The following PDE4B variants were observed in gnomAD, a reference collection of about 807,000 sequenced individuals.
PDE4B encodes the protein phosphodiesterase 4B.
In PDE4B, 20 loss-of-function variants were observed where a neutral mutation model predicts 82.2. That is an observed-to-expected ratio of 0.24 (90% CI 0.17 to 0.35). The LOEUF (loss-of-function observed/expected upper bound fraction) is 0.35. Ranked by LOEUF, PDE4B falls within the 10% of genes least tolerant of loss-of-function variation. The pLI is 1.00. For synonymous variants in PDE4B, 320 were observed against 318.9 expected, an observed-to-expected ratio of 1.00 and a Z score of -0.04; for missense variants, 655 against 907.2, an observed-to-expected ratio of 0.72 and a Z score of 3.57.
chr1:66,304,341 C>A (rs931663312), intron 7 of PDE4B, among the ~76,000 whole-genome samples: 3 of 152,052 alleles, frequency 2.0e-5, no homozygotes, highest in African/African-American at 7.2e-5. Flanking sequence ...AGAAGTGGAC[C>A]ACCATGTTTG....
intron 3 of PDE4B, among the ~76,000 whole-genome samples, chr1:66,085,315 A>G (rs1341622689): frequency 6.6e-6 from 1 of 152,166 alleles, no homozygotes; most frequent in Non-Finnish European, 1.5e-5. Context: ...TCTTAGGCTG[A>G]CTTGAAGCTA....
intron 3 of PDE4B, among the ~76,000 whole-genome samples, chr1:66,115,162 A>T (rs913967571): frequency 1.3e-5 from 2 of 152,224 alleles, no homozygotes; most frequent in Non-Finnish European, 2.9e-5. Flanking sequence ...GATGCAATTC[A>T]TACTGACCTG....
chr1:65,952,070 G>T (rs1649029032), intron 3 of PDE4B, among the ~76,000 whole-genome samples: 1 of 151,998 alleles, frequency 6.6e-6, no homozygotes, highest in African/African-American at 2.4e-5. Flanking sequence ...CATTACTAGA[G>T]AACTTGTTAA....
At chr1:65,970,052 A>C (rs76516194) in intron 3 of PDE4B, among the ~76,000 whole-genome samples, 1 of 152,000 alleles carries the variant, frequency 6.6e-6, no homozygotes, top group Non-Finnish European at 1.5e-5. Flanking sequence ...TTTAATATAC[A>C]TCTTAAAGTA....
chr1:66,142,588 C>G (rs1646194183), intron 3 of PDE4B, among the ~76,000 whole-genome samples: 1 of 151,990 alleles, frequency 6.6e-6, no homozygotes, highest in Admixed American at 6.6e-5. Context: ...AAAAATAACC[C>G]TACTGTTAGG....
chr1:66,199,932 C>A (rs1648726616), intron 3 of PDE4B, among the ~76,000 whole-genome samples: 1 of 152,138 alleles, frequency 6.6e-6, no homozygotes, highest in Non-Finnish European at 1.5e-5. Flanking sequence ...GGCCTATGTC[C>A]TGAATAGTAT....
At chr1:66,082,928 A>G (rs1384598132) in intron 3 of PDE4B, among the ~76,000 whole-genome samples, 3 of 152,182 alleles carry the variant, frequency 2.0e-5, no homozygotes, top group African/African-American at 7.2e-5. Context: ...AATGGGTAGG[A>G]CAATTACTAT....
At chr1:65,829,639 C>T (rs1646058591) in intron 1 of PDE4B, among the ~76,000 whole-genome samples, 2 of 151,908 alleles carry the variant, frequency 1.3e-5, no homozygotes, top group African/African-American at 4.8e-5. Flanking sequence ...AAATCAATAA[C>T]AAAAAGATCT....
At chr1:66,142,454 G>A (rs1446767408) in intron 3 of PDE4B, among the ~76,000 whole-genome samples, 1 of 152,140 alleles carries the variant, frequency 6.6e-6, no homozygotes, top group Non-Finnish European at 1.5e-5. Context: ...AAAATCATAG[G>A]AGGAAGTTGA....
intron 3 of PDE4B, among the ~76,000 whole-genome samples, chr1:66,164,422 G>C (rs1646678083): frequency 6.6e-6 from 1 of 150,698 alleles, no homozygotes; most frequent in Non-Finnish European, 1.5e-5. Flanking sequence ...TGTAATCTCA[G>C]CTACTCGGGA....
intron 7 of PDE4B, among the ~76,000 whole-genome samples, chr1:66,310,700 C>G (rs924981686): frequency 6.6e-6 from 1 of 152,082 alleles, no homozygotes; most frequent in Admixed American, 6.6e-5. Flanking sequence ...TCCACTGCCC[C>G]CACTGTACAG....
At chr1:65,849,104 T>C (rs1646300620) in intron 1 of PDE4B, among the ~76,000 whole-genome samples, 1 of 152,170 alleles carries the variant, frequency 6.6e-6, no homozygotes, top group African/African-American at 2.4e-5. Flanking sequence ...GCAACCACTC[T>C]ATTTGAGAGG....
At chr1:66,190,579 A>T (rs1647693166) in intron 3 of PDE4B, among the ~76,000 whole-genome samples, 1 of 152,148 alleles carries the variant, frequency 6.6e-6, no homozygotes, top group Non-Finnish European at 1.5e-5. Context: ...TTGCAGTTTG[A>T]TCTCAGACTG....
rs537865019 is a variant in PDE4B at position 66,342,453 on chromosome 1, T to C, written c.747+9833T>C. Among the ~76,000 whole-genome samples the C allele has an allele frequency of 1.3e-3, 190 of 151,570 alleles. 1 individual carries two copies. The highest frequency in any genetic ancestry group is 4.4e-3 in the African/African-American group (180 of 41,282). On this transcript the variant is annotated intron_variant, in intron 8 of 16. Coordinates refer to ENST00000341517, the MANE Select transcript of PDE4B (RefSeq NM_002600.4). ...GACTGGGCGCAGTGGCTCACGCCTG[T>C]AATCCCAGCACTTTGGGAAGCCAAG...
At chr1:66,338,752 C>T (rs542296224) in intron 8 of PDE4B, among the ~76,000 whole-genome samples, 226 of 152,302 alleles carry the variant, frequency 1.5e-3, no homozygotes, top group Middle Eastern at 6.8e-3. Flanking sequence ...GGCGCGGTGG[C>T]TCACGCCTGT....
At chr1:66,095,200 G>C (rs991188305) in intron 3 of PDE4B, among the ~76,000 whole-genome samples, 1 of 151,870 alleles carries the variant, frequency 6.6e-6, no homozygotes, top group African/African-American at 2.4e-5. Context: ...TTTTGAACTA[G>C]AAGAGTCTTT....
intron 1 of PDE4B, among the ~76,000 whole-genome samples, chr1:65,824,828 G>T (rs567251807): frequency 2.0e-5 from 3 of 152,106 alleles, no homozygotes; most frequent in African/African-American, 7.2e-5. Context: ...GGTCTGAGTT[G>T]GTGTGCAGGC....
intron 3 of PDE4B, among the ~76,000 whole-genome samples, chr1:65,933,580 G>A (rs891621636): frequency 6.6e-6 from 1 of 151,964 alleles, no homozygotes; most frequent in African/African-American, 2.4e-5. Context: ...TATAATCCCA[G>A]CTACTTGGGA....
At chr1:65,897,455 A>C (rs1036745372) in intron 1 of PDE4B, among the ~76,000 whole-genome samples, 4 of 152,030 alleles carry the variant, frequency 2.6e-5, no homozygotes, top group African/African-American at 9.7e-5. Flanking sequence ...TTGGAGTATG[A>C]ATGGTTCCAT....
Sources: allele counts gnomAD v4.1 joint callset (sites outside exome capture counted in the v4.1 genomes callset), GRCh38; gene constraint gnomAD v4.1.1; transcripts MANE v1.5; gene names NCBI Gene and HGNC (gene_info 2026-07-23, HGNC 2026-07-21).